Variants in HRH1 observed in about 807,000 individuals in gnomAD.
HRH1 encodes the protein histamine receptor H1, also known as histamine H1 receptor.
A neutral mutation model predicts 10.3 loss-of-function variants in HRH1; 6 were observed. That is an observed-to-expected ratio of 0.58 (90% CI 0.32 to 1.15). The LOEUF is 1.15. Among genes scored for constraint, HRH1 ranks in the 50% most tolerant of loss-of-function variants. The probability of loss-of-function intolerance (pLI) is 0.05; values close to 1 mark genes in which losing one functional copy is unlikely to be tolerated. For missense variants in HRH1, 514 were observed against 615.3 expected, an observed-to-expected ratio of 0.84 and a Z score of 1.74; for synonymous variants, 242 against 236.7, an observed-to-expected ratio of 1.02 and a Z score of -0.21.
At chr3:11,207,181 G>A (rs1381107572) in intron 1 of HRH1, among the ~76,000 whole-genome samples, 1 of 152,052 alleles carries the variant, frequency 6.6e-6, no homozygotes, top group Non-Finnish European at 1.5e-5. Flanking sequence ...GGGAAGGCGG[G>A]AAAGGTAGAC....
In HRH1 at chr3:11,227,335, G is replaced by A. The variant is rs146032676; in HGVS notation, c.-35-31668G>A. Among the ~76,000 whole-genome samples the A allele has an allele frequency of 6.5e-3, 982 of 151,266 alleles. 13 individuals are homozygous for A. Among genetic ancestry groups the A allele is most frequent in the African/African-American group, 0.022 (912 of 41,180 alleles). On this transcript the variant is annotated intron_variant, in intron 1 of 1. Transcript: ENST00000431010. ...GGAGTCTCGCTCTGTCCCCCAGGCT[G>A]GAGTGCCGTGACGTGATATCAGCTC...
chr3:11,164,015 A>C (rs565227224), intron 1 of HRH1, among the ~76,000 whole-genome samples: 4 of 152,202 alleles, frequency 2.6e-5, no homozygotes, highest in Non-Finnish European at 5.9e-5. Flanking sequence ...CCTGGTACCC[A>C]TCGACGTGCA....
At chr3:11,141,108 A>G (rs1043345924) in intron 1 of HRH1, among the ~76,000 whole-genome samples, 1 of 152,070 alleles carries the variant, frequency 6.6e-6, no homozygotes, top group Admixed American at 6.5e-5. Flanking sequence ...TTTTGCCTAG[A>G]GTCATAGGTT....
At chr3:11,242,808 C>T (rs964287029) in intron 1 of HRH1, among the ~76,000 whole-genome samples, 1 of 152,226 alleles carries the variant, frequency 6.6e-6, no homozygotes, top group Non-Finnish European at 1.5e-5. Context: ...ATAAATCCTA[C>T]CTCAAACTTC....
At chr3:11,218,439 C>T (rs1194075375) in intron 1 of HRH1, among the ~76,000 whole-genome samples, 2 of 143,352 alleles carry the variant, frequency 1.4e-5, no homozygotes, top group South Asian at 2.2e-4. Flanking sequence ...CAGAGTGAGA[C>T]TCCATCTCAA....
chr3:11,257,271 A>AAT (rs1939806172), intron 1 of HRH1, among the ~76,000 whole-genome samples: 4 of 142,280 alleles, frequency 2.8e-5, no homozygotes, highest in Admixed American at 7.1e-5. Context: ...AAAAAAAAAA[A>AAT]ATGGCTGGGC....
In HRH1 at chr3:11,180,908, A is replaced by T. The variant is rs147796380; in HGVS notation, c.-36+26354A>T. On this transcript the variant is annotated intron_variant, in intron 1 of 1. Coordinates refer to ENST00000431010, the MANE Select transcript of HRH1 (RefSeq NM_001098212.2). The stretch of plus-strand genomic sequence containing the variant: ...TTTGGCTATTATAAATAATGCTGCT[A>T]TGAACAAGTTTCTGTGTGGACATAC... Among the ~76,000 whole-genome samples, 1,356 of 151,212 alleles carry T rather than the reference A, an allele frequency of 9.0e-3. 20 individuals carry two copies. Among genetic ancestry groups the T allele is most frequent in the Admixed American group, 0.016 (244 of 15,122 alleles).
At chr3:11,255,164 A>T (rs1167824233) in intron 1 of HRH1, among the ~76,000 whole-genome samples, 1 of 152,198 alleles carries the variant, frequency 6.6e-6, no homozygotes, top group Non-Finnish European at 1.5e-5. Context: ...AGAGGAATTT[A>T]TCATCTCTGA....
At position 11,261,473 on chromosome 3, in the gene HRH1, G is replaced by T. The variant is rs1014032097; in HGVS notation, c.*972G>T. Reference sequence around the variant, plus strand: ...TACCCAAGGTCACATAGCTAGTTATGTGAGAAAGTTAGAGTACAGATCCTC... The same window carrying T: ...TACCCAAGGTCACATAGCTAGTTATTTGAGAAAGTTAGAGTACAGATCCTC... On this transcript the variant is annotated 3_prime_UTR_variant, in exon 2 of 2. Coordinates refer to ENST00000431010, the MANE Select transcript of HRH1 (RefSeq NM_001098212.2). The T allele has an allele frequency of 6.0e-6, 1 of 167,086 alleles. No homozygotes were observed. Among genetic ancestry groups the T allele is most frequent in the African/African-American group, 2.4e-5 (1 of 41,458 alleles). The allele number at this position is 167,086 out of a possible 1,614,324, so 10.4% of individuals were successfully genotyped here.
intron 1 of HRH1, among the ~76,000 whole-genome samples, chr3:11,148,109 G>A (rs143831110): frequency 6.6e-6 from 1 of 151,826 alleles, no homozygotes; most frequent in Non-Finnish European, 1.5e-5. Context: ...GAACCCAGGA[G>A]GCGGAGGTTG....
chr3:11,157,568 C>T (rs935918729), intron 1 of HRH1, among the ~76,000 whole-genome samples: 6 of 152,216 alleles, frequency 3.9e-5, no homozygotes, highest in African/African-American at 1.4e-4. Flanking sequence ...TTGTAGAGGA[C>T]TAAGACGCAT....
At chr3:11,249,850 A>G (rs1939590284) in intron 1 of HRH1, among the ~76,000 whole-genome samples, 1 of 152,120 alleles carries the variant, frequency 6.6e-6, no homozygotes, top group Non-Finnish European at 1.5e-5. Flanking sequence ...GAGGAGAGCC[A>G]GGAAGGACAA....
intron 1 of HRH1, among the ~76,000 whole-genome samples, chr3:11,220,551 C>T (rs527622369): frequency 1.1e-4 from 17 of 152,310 alleles, no homozygotes; most frequent in African/African-American, 4.1e-4. Context: ...CCATGCACAC[C>T]GGCAGGTGAA....
At chr3:11,138,170 ACG>A (rs1221118968) in intron 1 of HRH1, among the ~76,000 whole-genome samples, 1 of 131,138 alleles carries the variant, frequency 7.6e-6, no homozygotes, top group African/African-American at 3.0e-5. Context: ...CGCCCGCACC[ACG>A]TTTGGCTATT....
At chr3:11,141,116 G>A (rs1936284961) in intron 1 of HRH1, among the ~76,000 whole-genome samples, 1 of 152,122 alleles carries the variant, frequency 6.6e-6, no homozygotes, top group African/African-American at 2.4e-5. Flanking sequence ...AGAGTCATAG[G>A]TTTTTGAGCT....
intron 1 of HRH1, among the ~76,000 whole-genome samples, chr3:11,221,438 C>G (rs1286674537): frequency 2.0e-5 from 3 of 151,744 alleles, no homozygotes; most frequent in Non-Finnish European, 4.4e-5. Context: ...ACCTGTAATC[C>G]CAGCTACTTG....
chr3:11,222,239 G>C (rs1267948986), intron 1 of HRH1, among the ~76,000 whole-genome samples: 1 of 152,026 alleles, frequency 6.6e-6, no homozygotes, highest in Non-Finnish European at 1.5e-5. Flanking sequence ...GACGGGGTGG[G>C]AGTGAGGGTG....
intron 1 of HRH1, among the ~76,000 whole-genome samples, chr3:11,222,924 C>T (rs906036926): frequency 1.3e-5 from 2 of 151,906 alleles, no homozygotes; most frequent in Non-Finnish European, 2.9e-5. Context: ...CGGTGGCTCA[C>T]GCCTGTAATC....
At chr3:11,230,665 A>C (rs1265342129) in intron 1 of HRH1, among the ~76,000 whole-genome samples, 1 of 152,158 alleles carries the variant, frequency 6.6e-6, no homozygotes, top group Non-Finnish European at 1.5e-5. Flanking sequence ...ACTTATTTGC[A>C]TATGAAGGTT....
Sources: gnomAD v4.1 joint callset for allele counts (sites outside exome capture counted in the v4.1 genomes callset) on GRCh38, gnomAD v4.1.1 for gene constraint, MANE v1.5 for transcripts, NCBI Gene and HGNC (gene_info 2026-07-23, HGNC 2026-07-21) for gene names.